MTCH1: variants seen among roughly 807,000 people sequenced by gnomAD.
MTCH1 encodes the protein mitochondrial carrier 1.
MTCH1 carries 23 observed loss-of-function variants against 49.3 expected under a neutral mutation model. The ratio of observed to expected loss-of-function variants is 0.47; its 90% CI spans 0.34 to 0.66. The LOEUF (loss-of-function observed/expected upper bound fraction) is 0.66. MTCH1 is among the 30% of genes least tolerant of loss of function. MTCH1 has a pLI of 0.01. For synonymous variants in MTCH1, 229 were observed against 215.2 expected, an observed-to-expected ratio of 1.06 and a Z score of -0.56; for missense variants, 397 against 532.1, an observed-to-expected ratio of 0.75 and a Z score of 2.50.
chr6:36,984,469 C>T lies in MTCH1; in HGVS notation c.321+1384G>A, dbSNP rs180716590. 2.0e-5 allele frequency among the ~76,000 whole-genome samples: 3 copies of T among 152,266 alleles called. No homozygotes were observed. In the East Asian group the frequency reaches 5.8e-4, roughly 29 times the overall value. On this transcript the variant is annotated intron_variant, in intron 1 of 11. Transcript: ENST00000373627. Reference sequence around the variant, plus strand: ...TTCCTCGGATCCCAGATTTCAATTACTCTCATTCTCAAGGCCTTCTCATTC... The same window carrying T: ...TTCCTCGGATCCCAGATTTCAATTATTCTCATTCTCAAGGCCTTCTCATTC...
Position 36,978,138 on chromosome 6 carries a change from C to G in MTCH1, c.531G>C (p.Glu177Asp). The G allele has an allele frequency of 6.2e-7, 1 of 1,613,562 alleles. No homozygotes were observed. The highest frequency in any genetic ancestry group is 8.5e-7 in the Non-Finnish European group (1 of 1,179,460). Residue 177 changes from glutamate to aspartate, a missense_variant, in exon 4 of 12, where the codon GAG becomes GAC. By Grantham distance (45) the Glu-to-Asp change is conservative. Coordinates refer to ENST00000373627, the MANE Select transcript of MTCH1 (RefSeq NM_001271641.2). ...CATCCTTGTTGGAAACCTGCTCAAT[C>G]TCATCTGGAGGGAAAACCTGAAACA... Reference protein sequence around the residue: ...GSMKKVFPPDEIEQVSNKDDM... With the variant: ...GSMKKVFPPDDIEQVSNKDDM...
At chr6:36,969,078 GA>G in intron 11 of MTCH1, 104 bp from the exon 12 acceptor site, 1 of 1,506,530 alleles carries the variant, frequency 6.6e-7, no homozygotes, top group Non-Finnish European at 8.8e-7. Flanking sequence ...GGAGCTCAAA[GA>G]CCCAGCTCCG....
Position 36,968,784 on chromosome 6 carries a change from C to T in MTCH1, c.*119G>A, listed in dbSNP as rs777576922. 46 of 1,482,294 alleles carry T rather than the reference C, an allele frequency of 3.1e-5. 1 individual carries two copies. The East Asian group carries it at 3.6e-4, about 11-fold the overall frequency. The allele number at this position is 1,482,294 out of a possible 1,614,324, so 91.8% of individuals were successfully genotyped here. On this transcript the variant is annotated 3_prime_UTR_variant, in exon 12 of 12. Coordinates refer to ENST00000373627, the MANE Select transcript of MTCH1 (RefSeq NM_001271641.2). ...ACATGGCAAATATGGAACTGAAGCC[C>T]GGCTGGGCTGGAGCACATCTGGTTG... is the stretch of plus-strand genomic sequence containing the variant.
intron 1 of MTCH1, among the ~76,000 whole-genome samples, chr6:36,985,186 C>G (rs1196770923): frequency 6.6e-6 from 1 of 151,972 alleles, no homozygotes; most frequent in Non-Finnish European, 1.5e-5. Flanking sequence ...CTGCAAAAGT[C>G]TTTGCCTTCG....
At chr6:36,973,372 C>T (rs1373823081) in intron 7 of MTCH1, among the ~76,000 whole-genome samples, 1 of 152,126 alleles carries the variant, frequency 6.6e-6, no homozygotes, top group East Asian at 1.9e-4. Context: ...TCCCATGTGC[C>T]TCTTGTGTTT....
upstream of MTCH1, chr6:36,986,272 G>C (rs1764318320): frequency 1.8e-6 from 2 of 1,117,558 alleles, no homozygotes; most frequent in Non-Finnish European, 2.3e-6. Flanking sequence ...CAGGCCGCGG[G>C]GGAGCTCGGG....
At chr6:36,983,453 C>T (rs907346703) in intron 1 of MTCH1, among the ~76,000 whole-genome samples, 1 of 152,176 alleles carries the variant, frequency 6.6e-6, no homozygotes, top group Non-Finnish European at 1.5e-5. Context: ...AAATTTGTAA[C>T]GTTATCCCAT....
intron 1 of MTCH1, 73 bp downstream of exon 1, chr6:36,985,780 C>T: frequency 6.6e-7 from 1 of 1,511,552 alleles, no homozygotes; most frequent in Non-Finnish European, 8.9e-7. Flanking sequence ...ACTGCCCGCC[C>T]CAATCCTCCA....
At chr6:36,971,324 C>G (rs1017359420) in intron 8 of MTCH1, among the ~76,000 whole-genome samples, 1 of 152,164 alleles carries the variant, frequency 6.6e-6, no homozygotes, top group African/African-American at 2.4e-5. Context: ...AAGCCACATA[C>G]AGAAAAGCAC....
At position 36,968,613 on chromosome 6, in the gene MTCH1, C is replaced by T; in HGVS notation, c.*290G>A. The T allele has an allele frequency of 2.1e-6, 1 of 469,652 alleles. No individual in the cohort carries two copies. The highest frequency in any genetic ancestry group is 5.3e-5 in the East Asian group (1 of 18,926). 29.1% of individuals were successfully genotyped at this position (469,652 alleles called of 1,614,324 possible). ...TGGGCCCCCATAAGCCATTCTCTGG[C>T]CCTCTGCACAAGACAGACTCAGCAA... On this transcript the variant is annotated 3_prime_UTR_variant, in exon 12 of 12. Coordinates refer to ENST00000373627, the MANE Select transcript of MTCH1 (RefSeq NM_001271641.2).
At chr6:36,973,053 C>T (rs565737900) in intron 7 of MTCH1, among the ~76,000 whole-genome samples, 1 of 152,266 alleles carries the variant, frequency 6.6e-6, no homozygotes, top group African/African-American at 2.4e-5. Context: ...TTTCAAACCA[C>T]AGAAGCCAGG....
chr6:36,970,312 G>A, intron 10 of MTCH1, 94 bp downstream of exon 10: 2 of 1,530,128 alleles, frequency 1.3e-6, no homozygotes, highest in Admixed American at 1.7e-5. Flanking sequence ...CACAGAGCAG[G>A]TGGGAGGGGG....
chr6:36,984,157 G>A (rs1377398539), intron 1 of MTCH1, among the ~76,000 whole-genome samples: 1 of 151,532 alleles, frequency 6.6e-6, no homozygotes, highest in African/African-American at 2.4e-5. Context: ...TAAAATCCTA[G>A]CCCTCACTCA....
At position 36,986,137 on chromosome 6, in the gene MTCH1, G is replaced by C. The variant is rs1298900465; in HGVS notation, c.37C>G (p.Arg13Gly). 4.0e-5 allele frequency: 58 copies of C among 1,434,924 alleles called. No homozygotes were observed. The highest frequency in any genetic ancestry group is 3.8e-5 in the Non-Finnish European group (42 of 1,102,950). The allele number at this position is 1,434,924 out of a possible 1,614,324, so 88.9% of individuals were successfully genotyped here. Residue 13 changes from arginine to glycine, a missense_variant, in exon 1 of 12, where the codon CGC (arginine) becomes GGC (glycine). Physicochemically the swap from Arg to Gly is moderately radical, Grantham distance 125. Transcript: ENST00000373627. ...CCCGCCATCCCCGCGGCACCGCCGC[G>C]AGCCCAGGGCGCCACTTCCGGGTCC... Reference protein sequence around the residue: ...ASDPEVAPWARGGAAGMAGAG... With the variant: ...ASDPEVAPWAGGGAAGMAGAG...
intron 7 of MTCH1, among the ~76,000 whole-genome samples, chr6:36,974,970 C>T (rs748408): frequency 0.24 from 36,255 of 152,080 alleles, 4,445 homozygotes; most frequent in South Asian, 0.34. Flanking sequence ...CTGTCTGCAC[C>T]TTATTCTTTC....
At chr6:36,970,320 G>T in intron 10 of MTCH1, 86 bp downstream of exon 10, 1 of 1,547,688 alleles carries the variant, frequency 6.5e-7, no homozygotes, top group South Asian at 1.1e-5. Flanking sequence ...AGGTGGGAGG[G>T]GGCAGAGTGC....
At position 36,972,844 on chromosome 6, in the gene MTCH1, T is replaced by C; in HGVS notation, c.762-48A>G. 8.6e-6 allele frequency: 13 copies of C among 1,506,264 alleles called. No homozygotes were observed. The highest frequency in any genetic ancestry group is 1.2e-5 in the Non-Finnish European group (13 of 1,112,706). 93.3% of individuals were successfully genotyped at this position (1,506,264 alleles called of 1,614,324 possible). A position where few individuals can be genotyped will look rare whatever the true frequency, so the allele number is the denominator to read the frequency against. On this transcript the variant is annotated intron_variant, in intron 7 of 11. Transcript: ENST00000373627. This position sits in a 1 kb window ranked among gnomAD's most constrained non-coding sequence, Gnocchi z 4.1. ...ATGAGCAGGAGAGGGAGAGGAGCAG[T>C]TCCTGGGGGCTCCACACCCAGGAAG...
intron 7 of MTCH1, among the ~76,000 whole-genome samples, chr6:36,973,668 A>C (rs1198211157): frequency 6.6e-6 from 1 of 152,162 alleles, no homozygotes; most frequent in African/African-American, 2.4e-5. Context: ...TATGAGTATC[A>C]CCTGTTCCAA....
Position 36,972,829 on chromosome 6 carries a change from G to C in MTCH1, c.762-33C>G. 1 of 1,530,672 alleles carries C rather than the reference G, an allele frequency of 6.5e-7. No individual in the cohort carries two copies. Among genetic ancestry groups the C allele is most frequent in the Non-Finnish European group, 8.8e-7 (1 of 1,130,600 alleles). The allele number at this position is 1,530,672 out of a possible 1,614,324, so 94.8% of individuals were successfully genotyped here. ...ACAAGGTAAGCAGAGATGAGCAGGAGAGGGAGAGGAGCAGTTCCTGGGGGC... is the reference window on the plus strand; with the variant it reads ...ACAAGGTAAGCAGAGATGAGCAGGACAGGGAGAGGAGCAGTTCCTGGGGGC... On this transcript the variant is annotated intron_variant, in intron 7 of 11. Transcript: ENST00000373627. This position sits in a 1 kb window ranked among gnomAD's most constrained non-coding sequence, Gnocchi z 4.1.
Sources: gnomAD v4.1 joint callset for allele counts (sites outside exome capture counted in the v4.1 genomes callset) on GRCh38, gnomAD v4.1.1 for gene constraint, Gnocchi (gnomAD v3.1) non-coding constraint, MANE v1.5 for transcripts, NCBI Gene and HGNC (gene_info 2026-07-23, HGNC 2026-07-21) for gene names.